The following LCP1 variants were observed in gnomAD, a reference collection of about 807,000 sequenced individuals.
LCP1 encodes the protein lymphocyte cytosolic protein 1.
In LCP1, 23 loss-of-function variants were observed where a neutral mutation model predicts 72.0. That is an observed-to-expected ratio of 0.32 (90% CI 0.23 to 0.45). The LOEUF is 0.45. Among genes scored for constraint, LCP1 ranks in the 20% least tolerant of loss-of-function variants. The pLI is 1.00. For synonymous variants in LCP1, 245 were observed against 275.4 expected (o/e 0.89, Z 1.09); for missense variants, 571 against 748.3 (o/e 0.76, Z 2.76).
rs1394020500 is a variant in LCP1 at position 46,136,107 on chromosome 13, A to ACC, written c.1503-1858_1503-1857insGG. 4.1e-5 allele frequency among the ~76,000 whole-genome samples: 6 copies of ACC among 144,806 alleles called. No homozygotes were observed. In the East Asian group the frequency reaches 1.2e-3, roughly 28 times the overall value. 95.0% of individuals were successfully genotyped at this position (144,806 alleles called of 152,430 possible). A position where few individuals can be genotyped will look rare whatever the true frequency, so the allele number is the denominator to read the frequency against. ...CACACACACACACACACACACACAC[A>ACC]CACACAAAGACCTATACACATTTCA... On this transcript the variant is annotated intron_variant, in intron 13 of 15. Coordinates refer to ENST00000323076, the MANE Select transcript of LCP1 (RefSeq NM_002298.5).
intron 1 of LCP1, among the ~76,000 whole-genome samples, chr13:46,168,762 C>T (rs934261170): frequency 1.3e-5 from 2 of 152,194 alleles, no homozygotes; most frequent in East Asian, 1.9e-4. Context: ...TCTCATATCC[C>T]TACTTTGTAA....
intron 7 of LCP1, 68 bp downstream of exon 7, chr13:46,152,712 C>A: frequency 1.3e-6 from 2 of 1,496,208 alleles, no homozygotes; most frequent in Non-Finnish European, 1.8e-6. Context: ...ACATCTTCCT[C>A]CTACAGTCCC....
At chr13:46,171,701 C>T (rs186124848) in intron 1 of LCP1, among the ~76,000 whole-genome samples, 374 of 152,318 alleles carry the variant, frequency 2.5e-3, no homozygotes, top group Non-Finnish European at 3.1e-3. Context: ...AAAATAGTCA[C>T]GCAAATGCAA....
intron 1 of LCP1, chr13:46,169,375 G>A (rs1405991357): frequency 6.6e-6 from 1 of 152,184 alleles, no homozygotes; most frequent in Admixed American, 6.5e-5. Context: ...TACAAATATT[G>A]TGTACACTGG....
At chr13:46,132,572 C>G (rs963614383) in intron 14 of LCP1, among the ~76,000 whole-genome samples, 1 of 152,168 alleles carries the variant, frequency 6.6e-6, no homozygotes, top group Non-Finnish European at 1.5e-5. Flanking sequence ...GTAGCCAGAG[C>G]CCATTCAATA....
intron 1 of LCP1, among the ~76,000 whole-genome samples, chr13:46,170,451 G>A (rs1489217913): frequency 6.6e-6 from 1 of 152,146 alleles, no homozygotes; most frequent in Non-Finnish European, 1.5e-5. Flanking sequence ...TGCCGGTAAT[G>A]CTTGGCAGTG....
At chr13:46,158,724 G>A (rs763005093) in intron 3 of LCP1, 73 bp from the exon 4 acceptor site, 73 of 1,604,048 alleles carry the variant, frequency 4.6e-5, no homozygotes, top group Non-Finnish European at 6.0e-5. Context: ...AATATGTAAT[G>A]TCGAAGCAAG....
chr13:46,153,698 T>C (rs1280682245), intron 6 of LCP1, among the ~76,000 whole-genome samples: 3 of 138,472 alleles, frequency 2.2e-5, no homozygotes, highest in Admixed American at 7.4e-5. Context: ...TGAAACTCCA[T>C]CTCAAAAAAA....
chr13:46,173,107 A>G (rs1458353457), intron 1 of LCP1, among the ~76,000 whole-genome samples: 1 of 152,228 alleles, frequency 6.6e-6, no homozygotes, highest in African/African-American at 2.4e-5. Context: ...ACACCCATGT[A>G]AAGGCATTCC....
At chr13:46,143,149 G>T in intron 12 of LCP1, 141 bp downstream of exon 12, 1 of 594,552 alleles carries the variant, frequency 1.7e-6, no homozygotes, top group Non-Finnish European at 3.0e-6. Context: ...AAGCTGTTCA[G>T]GTTTCTGATT....
intron 1 of LCP1, among the ~76,000 whole-genome samples, chr13:46,179,149 C>T (rs1407237943): frequency 6.6e-6 from 1 of 152,076 alleles, no homozygotes; most frequent in Non-Finnish European, 1.5e-5. Flanking sequence ...TGTAATTTTC[C>T]CTGTTTGTTA....
intron 13 of LCP1, among the ~76,000 whole-genome samples, chr13:46,141,405 C>CAAAAAAA (rs762462829): frequency 1.9e-5 from 1 of 52,330 alleles, no homozygotes; most frequent in Non-Finnish European, 3.3e-5. Context: ...GACTCTGTCT[C>CAAAAAAA]AAAAAAAAAA....
intron 8 of LCP1, chr13:46,148,910 A>T (rs1301215198): frequency 3.4e-6 from 1 of 291,728 alleles, no homozygotes; most frequent in Non-Finnish European, 5.1e-6. Context: ...AAAGATGTCA[A>T]AGACAGAAGA....
At chr13:46,175,862 C>T (rs1053621772) in intron 1 of LCP1, among the ~76,000 whole-genome samples, 1 of 152,192 alleles carries the variant, frequency 6.6e-6, no homozygotes, top group Admixed American at 6.5e-5. Context: ...TGCAAAACTA[C>T]AGGCATGATC....
intron 1 of LCP1, among the ~76,000 whole-genome samples, chr13:46,175,178 A>G (rs928776560): frequency 6.6e-6 from 1 of 152,258 alleles, no homozygotes; most frequent in Non-Finnish European, 1.5e-5. Flanking sequence ...AAGAGTAATT[A>G]TCTTTCAAGC....
intron 1 of LCP1, among the ~76,000 whole-genome samples, chr13:46,162,380 G>C (rs1312319398): frequency 6.6e-6 from 1 of 151,294 alleles, no homozygotes; most frequent in Admixed American, 6.6e-5. Flanking sequence ...CTGCCGTATG[G>C]GCTCACTGCA....
intron 5 of LCP1, 138 bp downstream of exon 5, chr13:46,156,300 G>T: frequency 1.1e-6 from 1 of 892,358 alleles, no homozygotes; most frequent in Non-Finnish European, 1.8e-6. Flanking sequence ...TCCTGGACCT[G>T]GCCAAGTGAA....
chr13:46,176,858 C>T (rs1373561136), intron 1 of LCP1, among the ~76,000 whole-genome samples: 4 of 148,026 alleles, frequency 2.7e-5, no homozygotes, highest in South Asian at 4.3e-4. Flanking sequence ...TGTGTGTTTC[C>T]GTGTATGTGT....
At chr13:46,150,719 A>G (rs545881000) in intron 8 of LCP1, among the ~76,000 whole-genome samples, 6 of 152,096 alleles carry the variant, frequency 3.9e-5, no homozygotes, top group Non-Finnish European at 8.8e-5. Flanking sequence ...GGAAACTCCA[A>G]TCGAGACACT....
Sources: gnomAD v4.1 joint callset for allele counts (sites outside exome capture counted in the v4.1 genomes callset) on GRCh38, gnomAD v4.1.1 for gene constraint, MANE v1.5 for transcripts, NCBI Gene and HGNC (gene_info 2026-07-23, HGNC 2026-07-21) for gene names.